SNX29: variants seen among roughly 807,000 people sequenced by gnomAD.
SNX29 encodes the protein sorting nexin-29.
A neutral mutation model predicts 102.1 loss-of-function variants in SNX29; 78 were observed. The observed-to-expected ratio is 0.76, with a 90% confidence interval of 0.64 to 0.92. The LOEUF (loss-of-function observed/expected upper bound fraction) is 0.92, where lower values mean the gene tolerates loss of function less well. Ranked by LOEUF, SNX29 falls within the 40% of genes least tolerant of loss-of-function variation. The pLI, the probability that SNX29 is intolerant of heterozygous loss-of-function variation, is 0.00. For synonymous variants in SNX29, 580 were observed against 414.5 expected, an observed-to-expected ratio of 1.40 and a Z score of -4.85; for missense variants, 1,280 against 1,061.7, an observed-to-expected ratio of 1.21 and a Z score of -2.86.
chr16:12,558,193 G>A lies in SNX29; in HGVS notation c.2319-10313G>A, dbSNP rs192457636. 3.2e-4 allele frequency among the ~76,000 whole-genome samples: 48 copies of A among 149,748 alleles called. No individual in the cohort carries two copies. In the East Asian group the frequency reaches 6.1e-3, roughly 19 times the overall value. On this transcript the variant is annotated intron_variant, in intron 20 of 20. Transcript: ENST00000566228. The stretch of plus-strand genomic sequence containing the variant: ...ATGCATCTCAGTTTTTAATAATTAC[G>A]GTTTACTCCAGCAGAACCATCACAG...
At chr16:12,540,108 A>G (rs1236717398) in intron 20 of SNX29, among the ~76,000 whole-genome samples, 2 of 152,016 alleles carry the variant, frequency 1.3e-5, no homozygotes, top group South Asian at 2.1e-4. Flanking sequence ...CCCAGGTCAT[A>G]AAGATTTTCT....
intron 15 of SNX29, among the ~76,000 whole-genome samples, chr16:12,332,842 G>A (rs1256368439): frequency 6.6e-6 from 1 of 152,028 alleles, no homozygotes; most frequent in Non-Finnish European, 1.5e-5. Flanking sequence ...GGCTGCTGTT[G>A]CCCGCCTGCT....
At chr16:12,364,161 T>TGTTATGTTA (rs376565121) in intron 16 of SNX29, among the ~76,000 whole-genome samples, 2 of 138,384 alleles carry the variant, frequency 1.4e-5, no homozygotes, top group Non-Finnish European at 3.1e-5. Flanking sequence ...CCTGGCTTGT[T>TGTTATGTTA]TGTTATGTTA....
rs761185980 is a variant in SNX29 at position 12,310,766 on chromosome 16, C to T, written c.1782+32730C>T. On this transcript the variant is annotated intron_variant, in intron 15 of 20. Transcript: ENST00000566228. The stretch of plus-strand genomic sequence containing the variant: ...TCAGAAGGTATTCTTTAAATATGTG[C>T]ACTCTGCTGTCTGCTGGTTAAACCT... 5.9e-5 allele frequency among the ~76,000 whole-genome samples: 9 copies of T among 152,186 alleles called. 1 individual carries two copies. Among genetic ancestry groups the T allele is most frequent in the Middle Eastern group, 6.8e-3 (2 of 294 alleles).
At chr16:12,409,909 A>G (rs1338195553) in intron 18 of SNX29, among the ~76,000 whole-genome samples, 2 of 152,302 alleles carry the variant, frequency 1.3e-5, no homozygotes, top group African/African-American at 4.8e-5. Flanking sequence ...CTGTTGTACA[A>G]TATTTCATTT....
Position 11,976,811 on chromosome 16 carries a change from G to C in SNX29, c.5G>C (p.Ser2Thr). The change falls in exon 1 of 21, where the codon AGC (serine) becomes ACC (threonine). Residue 2 changes from serine to threonine, a missense_variant and splice_region_variant. Transcript: ENST00000566228. M[S>T]GSQNNDKRQF... ...ACCGGCCCGGGGAGAGGCACCATGA[G>C]CGGTGAGTGGCGGCCCCGCCGCTGT... 1 of 1,380,104 alleles carries C rather than the reference G, an allele frequency of 7.2e-7. No individual in the cohort carries two copies. Among genetic ancestry groups the C allele is most frequent in the Non-Finnish European group, 9.4e-7 (1 of 1,066,450 alleles). The allele number at this position is 1,380,104 out of a possible 1,614,324, so 85.5% of individuals were successfully genotyped here.
At position 12,016,829 on chromosome 16, in the gene SNX29, TA is replaced by T. The variant is rs992040754; in HGVS notation, c.123-10483del. On this transcript the variant is annotated intron_variant, in intron 3 of 20. Coordinates refer to ENST00000566228, the MANE Select transcript of SNX29 (RefSeq NM_032167.5). ...TGCTGGGTCAAAGGGTTATGCACCT[TA>T]AAAAAAATTATACTGGCCGAACACA... Among the ~76,000 whole-genome samples the T allele has an allele frequency of 5.9e-5, 9 of 151,820 alleles. No homozygotes were observed. In the South Asian group the frequency reaches 8.3e-4, roughly 14 times the overall value.
intron 18 of SNX29, among the ~76,000 whole-genome samples, chr16:12,428,835 A>G (rs548405025): frequency 1.3e-5 from 2 of 152,362 alleles, no homozygotes; most frequent in East Asian, 1.9e-4. Context: ...AACACATAAT[A>G]TATGAGTGCA....
At position 12,346,320 on chromosome 16, in the gene SNX29, G is replaced by A. The variant is rs538564300; in HGVS notation, c.1783-9843G>A. On this transcript the variant is annotated intron_variant, in intron 15 of 20. Coordinates refer to ENST00000566228, the MANE Select transcript of SNX29 (RefSeq NM_032167.5). ...GGTGCCTCTTTAATGGATAATCATG[G>A]TAATTAACATTTATGGAGTACTTTA... Among the ~76,000 whole-genome samples, 3 of 152,246 alleles carry A rather than the reference G, an allele frequency of 2.0e-5. No individual in the cohort carries two copies. In the South Asian group the frequency reaches 6.2e-4, roughly 32 times the overall value.
At chr16:12,193,642 G>T (rs921700848) in intron 13 of SNX29, among the ~76,000 whole-genome samples, 1 of 152,088 alleles carries the variant, frequency 6.6e-6, no homozygotes, top group Non-Finnish European at 1.5e-5. Flanking sequence ...AATTACATTT[G>T]TTTGTGGTCC....
chr16:12,455,020 T>C (rs1413203933), intron 18 of SNX29, among the ~76,000 whole-genome samples: 1 of 152,192 alleles, frequency 6.6e-6, no homozygotes, highest in African/African-American at 2.4e-5. Flanking sequence ...AGTGCTGAGA[T>C]TACAGGCATG....
chr16:12,412,925 G>T (rs946921793), intron 18 of SNX29, among the ~76,000 whole-genome samples: 1 of 152,226 alleles, frequency 6.6e-6, no homozygotes, highest in African/African-American at 2.4e-5. Flanking sequence ...TTTCTGCTGT[G>T]TCTCAGGGCT....
At chr16:12,358,112 G>C (rs377554683) in intron 16 of SNX29, among the ~76,000 whole-genome samples, 1 of 152,220 alleles carries the variant, frequency 6.6e-6, no homozygotes, top group Admixed American at 6.5e-5. Flanking sequence ...ACCTAAGTGT[G>C]AAATTGCGGC....
At chr16:12,478,980 A>G (rs1437562359) in intron 19 of SNX29, among the ~76,000 whole-genome samples, 3 of 152,226 alleles carry the variant, frequency 2.0e-5, no homozygotes, top group South Asian at 2.1e-4. Flanking sequence ...AGGTAGAGCC[A>G]TGACCTTTCT....
Position 12,570,187 on chromosome 16 carries a change from C to A in SNX29, c.*1558C>A. 1.9e-6 allele frequency: 2 copies of A among 1,065,280 alleles called. No homozygotes were observed. The highest frequency in any genetic ancestry group is 1.1e-6 in the Non-Finnish European group (1 of 879,138). The allele number at this position is 1,065,280 out of a possible 1,614,324, so 66.0% of individuals were successfully genotyped here. ...CCCCACCCCAGAGAAACCGAGTCAG[C>A]CTACATGACTTCCAAGGGGACCTGG... On this transcript the variant is annotated 3_prime_UTR_variant, in exon 21 of 21. Transcript: ENST00000566228.
intron 14 of SNX29, among the ~76,000 whole-genome samples, chr16:12,211,834 G>A (rs2077192551): frequency 6.6e-6 from 1 of 152,158 alleles, no homozygotes; most frequent in Non-Finnish European, 1.5e-5. Context: ...CATTATGGAA[G>A]ATAATGTGCT....
chr16:12,452,759 G>T (rs1177268167), intron 18 of SNX29, among the ~76,000 whole-genome samples: 1 of 152,130 alleles, frequency 6.6e-6, no homozygotes, highest in Non-Finnish European at 1.5e-5. Flanking sequence ...GAGGAGCCGG[G>T]TGGTGAAGGT....
chr16:12,441,502 G>A (rs141811153), intron 18 of SNX29, among the ~76,000 whole-genome samples: 6 of 152,200 alleles, frequency 3.9e-5, no homozygotes, highest in African/African-American at 1.2e-4. Flanking sequence ...TGGCTGTTAC[G>A]AATTATGTAG....
At position 12,072,252 on chromosome 16, in the gene SNX29, CA is replaced by C; in HGVS notation, c.1319+3123del. ...GGCATCCCTGTCTTGTGCCAGTTTT[CA>C]AAGGGAATGCTTTCAGTTTTTGCCC... On this transcript the variant is annotated intron_variant, in intron 10 of 20. Transcript: ENST00000566228. Among the ~76,000 whole-genome samples, 2 of 152,282 alleles carry C rather than the reference CA, an allele frequency of 1.3e-5. 1 individual carries two copies. The highest frequency in any genetic ancestry group is 6.8e-3 in the Middle Eastern group (2 of 294).
Sources: allele counts gnomAD v4.1 joint callset (sites outside exome capture counted in the v4.1 genomes callset), GRCh38; gene constraint gnomAD v4.1.1; transcripts MANE v1.5; gene names NCBI Gene and HGNC (gene_info 2026-07-23, HGNC 2026-07-21).